Variants in CSMD1 observed in about 807,000 individuals in gnomAD.
The protein encoded by CSMD1 is CUB and Sushi multiple domains 1, also known as CUB and sushi domain-containing protein 1.
In CSMD1, 213 loss-of-function variants were observed where a neutral mutation model predicts 417.5. That is an observed-to-expected ratio of 0.51 (90% CI 0.46 to 0.57). The LOEUF is 0.57. Ranked by LOEUF, CSMD1 falls within the 20% of genes least tolerant of loss-of-function variation. The pLI is 0.00. For synonymous variants in CSMD1, 2,862 were observed against 1,736.8 expected, an observed-to-expected ratio of 1.65 and a Z score of -16.11; for missense variants, 6,923 against 4,529.7, an observed-to-expected ratio of 1.53 and a Z score of -15.17.
rs1381514302 is a variant in CSMD1 at position 3,259,855 on chromosome 8, A to G, written c.4153+24289T>C. On this transcript the variant is annotated intron_variant, in intron 26 of 69. Coordinates refer to ENST00000635120, the MANE Select transcript of CSMD1 (RefSeq NM_033225.6). The stretch of plus-strand genomic sequence containing the variant: ...TTTTACATTTTTTAAATGGTTAAAA[A>G]ATATCAAAATAAAATATTAATTTAT... 5.2e-5 allele frequency among the ~76,000 whole-genome samples: 3 copies of G among 57,934 alleles called. No homozygotes were observed. In the East Asian group the frequency reaches 7.0e-4, roughly 14 times the overall value. The allele number at this position is 57,934 out of a possible 152,430, so 38.0% of individuals were successfully genotyped here.
At chr8:4,819,845 C>CGAGTGTA (rs1459487307) in intron 1 of CSMD1, among the ~76,000 whole-genome samples, 3 of 151,950 alleles carry the variant, frequency 2.0e-5, no homozygotes, top group African/African-American at 7.3e-5. Context: ...GAAGAGCAAA[C>CGAGTGTA]GAGTGTAGGG....
At chr8:4,029,090 C>G (rs569497915) in intron 4 of CSMD1, among the ~76,000 whole-genome samples, 1 of 152,088 alleles carries the variant, frequency 6.6e-6, no homozygotes, top group Non-Finnish European at 1.5e-5. Flanking sequence ...AAAATATACA[C>G]ATTAAATGGT....
At chr8:3,847,734 C>T (rs1803606563) in intron 5 of CSMD1, among the ~76,000 whole-genome samples, 1 of 152,122 alleles carries the variant, frequency 6.6e-6, no homozygotes, top group Non-Finnish European at 1.5e-5. Flanking sequence ...GTCTCAATCC[C>T]TGACACTGCA....
chr8:4,272,658 C>G (rs544726247), intron 3 of CSMD1, among the ~76,000 whole-genome samples: 220 of 152,260 alleles, frequency 1.4e-3, no homozygotes, highest in African/African-American at 5.0e-3. Flanking sequence ...TCCTAACACT[C>G]CAAACCGACT....
At chr8:3,382,457 T>C (rs1010251073) in intron 18 of CSMD1, among the ~76,000 whole-genome samples, 3 of 131,546 alleles carry the variant, frequency 2.3e-5, no homozygotes, top group African/African-American at 5.5e-5. Flanking sequence ...ATATAATATA[T>C]ATAATATATT....
In CSMD1 at chr8:3,372,180, A is replaced by T. The variant is rs116044176; in HGVS notation, c.2783-2810T>A. ...CGGTGCCGTACTTAGGAAGTGGTCT[A>T]TAAATAAGGACTTGAGAGAGACAAA... On this transcript the variant is annotated intron_variant, in intron 18 of 69. Coordinates refer to ENST00000635120, the MANE Select transcript of CSMD1 (RefSeq NM_033225.6). 4.7e-3 allele frequency among the ~76,000 whole-genome samples: 713 copies of T among 152,324 alleles called. 6 individuals carry two copies. The highest frequency in any genetic ancestry group is 0.016 in the African/African-American group (674 of 41,586).
chr8:4,533,431 G>T (rs1245739222), intron 2 of CSMD1, among the ~76,000 whole-genome samples: 4 of 152,184 alleles, frequency 2.6e-5, no homozygotes, highest in Non-Finnish European at 5.9e-5. Flanking sequence ...GACTTTTGCT[G>T]TTAATCTACG....
At chr8:3,050,941 A>C (rs554167405) in intron 50 of CSMD1, among the ~76,000 whole-genome samples, 1 of 152,316 alleles carries the variant, frequency 6.6e-6, no homozygotes, top group African/African-American at 2.4e-5. Context: ...AATAAGTAAA[A>C]AAATAGCAGA....
Position 3,268,374 on chromosome 8 carries a change from C to T in CSMD1, c.4153+15770G>A, listed in dbSNP as rs148275153. On this transcript the variant is annotated intron_variant, in intron 26 of 69. Transcript: ENST00000635120. ...CGTGATCTCAGCTCACTGCAAGCTC[C>T]GCCTCCGAGGTTCACACCATTCTCC... Among the ~76,000 whole-genome samples, 350 of 145,428 alleles carry T rather than the reference C, an allele frequency of 2.4e-3. 11 individuals are homozygous for T. The East Asian group carries it at 0.059, about 24-fold the overall frequency.
chr8:3,530,447 CAT>C (rs1449516885), intron 10 of CSMD1, among the ~76,000 whole-genome samples: 9 of 152,166 alleles, frequency 5.9e-5, no homozygotes, highest in Admixed American at 2.0e-4. Context: ...TTAACTTCCA[CAT>C]ATTTGTAAAT....
At chr8:4,927,240 T>C (rs1004687524) in intron 1 of CSMD1, among the ~76,000 whole-genome samples, 21 of 151,964 alleles carry the variant, frequency 1.4e-4, no homozygotes, top group African/African-American at 4.8e-4. Context: ...TTATTTTTAG[T>C]AGAGACAGGG....
At chr8:4,683,626 G>A (rs965429684) in intron 1 of CSMD1, among the ~76,000 whole-genome samples, 1 of 152,206 alleles carries the variant, frequency 6.6e-6, no homozygotes, top group Non-Finnish European at 1.5e-5. Context: ...GAAATGACGA[G>A]GAACCTCGCA....
intron 3 of CSMD1, among the ~76,000 whole-genome samples, chr8:4,214,002 C>A (rs528049127): frequency 1.3e-5 from 2 of 152,204 alleles, no homozygotes; most frequent in African/African-American, 4.8e-5. Context: ...CAGAAAGGGG[C>A]AAAGTTCTGA....
At chr8:3,848,586 A>G (rs1053701017) in intron 5 of CSMD1, among the ~76,000 whole-genome samples, 4 of 152,196 alleles carry the variant, frequency 2.6e-5, no homozygotes, top group African/African-American at 7.2e-5. Flanking sequence ...GTAAATATGT[A>G]CTTTGAACTG....
intron 1 of CSMD1, among the ~76,000 whole-genome samples, chr8:4,773,999 C>T (rs1323262036): frequency 1.3e-5 from 2 of 152,048 alleles, no homozygotes; most frequent in African/African-American, 4.8e-5. Flanking sequence ...AGTTCAAGAC[C>T]AGCCTGGCCA....
chr8:3,597,496 A>C (rs1274787692), intron 8 of CSMD1, among the ~76,000 whole-genome samples: 1 of 152,176 alleles, frequency 6.6e-6, no homozygotes, highest in Non-Finnish European at 1.5e-5. Context: ...TGTAAATAAA[A>C]TGCAGCTGAG....
intron 3 of CSMD1, among the ~76,000 whole-genome samples, chr8:4,099,656 T>G (rs984856077): frequency 9.9e-5 from 15 of 151,636 alleles, no homozygotes; most frequent in African/African-American, 3.4e-4. Context: ...AATAAACCAA[T>G]GCAGTCTGCT....
chr8:4,760,410 T>C lies in CSMD1; in HGVS notation c.86-122852A>G, dbSNP rs190803877. Among the ~76,000 whole-genome samples the C allele has an allele frequency of 2.9e-4, 44 of 152,306 alleles. No homozygotes were observed. In the East Asian group the frequency reaches 7.9e-3, roughly 27 times the overall value. On this transcript the variant is annotated intron_variant, in intron 1 of 69. Transcript: ENST00000635120. ...AGATTAAAATTCTCAGCTGACTTTA[T>C]GATACCTTTGTGGCTAGAAGAGTCC...
intron 37 of CSMD1, among the ~76,000 whole-genome samples, chr8:3,165,545 C>T (rs899201781): frequency 5.9e-5 from 9 of 152,046 alleles, no homozygotes; most frequent in African/African-American, 2.2e-4. Context: ...CATTCTCCTG[C>T]CTCAGCCTCC....
Sources: gnomAD v4.1 joint callset for allele counts (sites outside exome capture counted in the v4.1 genomes callset) on GRCh38, gnomAD v4.1.1 for gene constraint, MANE v1.5 for transcripts, NCBI Gene and HGNC (gene_info 2026-07-23, HGNC 2026-07-21) for gene names.